The following ABCF2 variants were observed in gnomAD, a reference collection of about 807,000 sequenced individuals.
ABCF2 encodes ATP binding cassette subfamily F member 2, also known as ATP-binding cassette sub-family F member 2.
A neutral mutation model predicts 76.9 loss-of-function variants in ABCF2; 37 were observed. The ratio of observed to expected loss-of-function variants is 0.48; its 90% CI spans 0.37 to 0.63. ABCF2 has a LOEUF of 0.63. ABCF2 is among the 30% of genes least tolerant of loss of function. ABCF2 has a pLI of 0.00. For missense variants in ABCF2, 524 were observed against 782.1 expected (o/e 0.67, Z 3.94); for synonymous variants, 299 against 283.7 (o/e 1.05, Z -0.54).
At position 151,214,198 on chromosome 7, in the gene ABCF2, A is replaced by G; in HGVS notation, c.1735-7T>C. ...CCCAAATTTCCTGTGCAACCTAGAA[A>G]GCAAAACCTGGACTTAATCCTGGGC... On this transcript the variant is annotated splice_region_variant and splice_polypyrimidine_tract_variant and intron_variant, in intron 14 of 14. Coordinates refer to ENST00000287844, the MANE Select transcript of ABCF2 (RefSeq NM_007189.3). The surrounding 1 kb of genome is among the most constrained non-coding windows in gnomAD (Gnocchi z 4.9). 6.2e-7 allele frequency: 1 copy of G among 1,614,132 alleles called. No homozygotes were observed. The highest frequency in any genetic ancestry group is 8.5e-7 in the Non-Finnish European group (1 of 1,180,026).
At chr7:151,223,614 A>G (rs1584845697) in intron 5 of ABCF2, 64 bp downstream of exon 5, 3 of 1,502,184 alleles carry the variant, frequency 2.0e-6, no homozygotes, top group South Asian at 1.3e-5. Context: ...GTTCCACTGG[A>G]GTGAACACTA....
chr7:151,224,471 G>A (rs752715780), intron 3 of ABCF2, among the ~76,000 whole-genome samples: 10 of 152,174 alleles, frequency 6.6e-5, no homozygotes, highest in Non-Finnish European at 1.2e-4. Flanking sequence ...CTCACATGAT[G>A]CTTAAAGGAA....
Position 151,212,286 on chromosome 7 carries a change from G to A in ABCF2, c.*1768C>T. On this transcript the variant is annotated 3_prime_UTR_variant, in exon 15 of 15. Transcript: ENST00000287844. ...GGTGAAATGCTATTGAAGTTCAAAAGACCCAGATAAGGTATGCAGAGCCCT... is the reference window on the plus strand; with the variant it reads ...GGTGAAATGCTATTGAAGTTCAAAAAACCCAGATAAGGTATGCAGAGCCCT... The A allele has an allele frequency of 1.0e-6, 1 of 985,408 alleles. No individual in the cohort carries two copies. Among genetic ancestry groups the A allele is most frequent in the Non-Finnish European group, 1.2e-6 (1 of 829,928 alleles). 61.0% of individuals were successfully genotyped at this position (985,408 alleles called of 1,614,324 possible).
intron 6 of ABCF2, chr7:151,221,935 G>A (rs756111117): frequency 1.0e-4 from 44 of 432,346 alleles, no homozygotes; most frequent in Non-Finnish European, 1.7e-4. Flanking sequence ...GGATGGAGAC[G>A]GTAGTAACAG....
rs759877384 is a variant in ABCF2 at position 151,218,205 on chromosome 7, G to C, written c.1228-14C>G. On this transcript the variant is annotated splice_polypyrimidine_tract_variant and intron_variant, in intron 10 of 14. Transcript: ENST00000287844. Reference sequence around the variant, plus strand: ...GTAGATGCAAGGCTGAGGTGGGGATGAGAGAGATGTGGACACAAGGCTAGA... The same window carrying C: ...GTAGATGCAAGGCTGAGGTGGGGATCAGAGAGATGTGGACACAAGGCTAGA... 1.3e-6 allele frequency: 2 copies of C among 1,562,802 alleles called. No homozygotes were observed. Among genetic ancestry groups the C allele is most frequent in the Admixed American group, 3.3e-5 (2 of 59,934 alleles).
Position 151,213,520 on chromosome 7 carries a change from T to C in ABCF2, c.*534A>G, listed in dbSNP as rs569725194. ...GGAAGGTAGGGACCGTGGCTTCCTCTTTCTTTATTGGGCGCTTTGTAGATG... is the reference window on the plus strand; with the variant it reads ...GGAAGGTAGGGACCGTGGCTTCCTCCTTCTTTATTGGGCGCTTTGTAGATG... On this transcript the variant is annotated 3_prime_UTR_variant, in exon 15 of 15. Transcript: ENST00000287844. The C allele has an allele frequency of 5.1e-6, 5 of 985,918 alleles. No homozygotes were observed. The highest frequency in any genetic ancestry group is 6.1e-5 in the Admixed American group (1 of 16,282). The allele number at this position is 985,918 out of a possible 1,614,324, so 61.1% of individuals were successfully genotyped here.
rs758763054 is a variant in ABCF2, at chr7:151,224,873, G to A, written c.270C>T (p.Asn90=). ...HPNSTDVHII[N]LSLTFHGQEL... is the part of the protein sequence containing the mutation. The stretch of plus-strand genomic sequence containing the variant: ...CTTGACCATGAAAGGTAAGTGAGAG[G>A]TTGATGATGTGAACATCAGTACTGT... Residue 90 remains asparagine, a synonymous_variant, in exon 3 of 15, where the codon AAC becomes AAT. Coordinates refer to ENST00000287844, the MANE Select transcript of ABCF2 (RefSeq NM_007189.3). 6.8e-6 allele frequency: 11 copies of A among 1,614,060 alleles called. No individual in the cohort carries two copies. Among genetic ancestry groups the A allele is most frequent in the South Asian group, 6.6e-5 (6 of 91,094 alleles).
intron 1 of ABCF2, 162 bp from the exon 2 acceptor site, chr7:151,226,662 C>T: frequency 1.9e-6 from 1 of 527,938 alleles, no homozygotes; most frequent in Non-Finnish European, 3.3e-6. Context: ...TATCCCAAAC[C>T]AATGCCGATT....
At position 151,215,634 on chromosome 7, in the gene ABCF2, A is replaced by G; in HGVS notation, c.1500T>C (p.Ile500=). ...GTTTCCCAGTGAGACCGTATCGCCCAATGATCTTCCTCATTTCTTCCTTCT... is the reference window on the plus strand; with the variant it reads ...GTTTCCCAGTGAGACCGTATCGCCCGATGATCTTCCTCATTTCTTCCTTCT... ...IKEKEEMRKI[I]GRYGLTGKQQ... is the part of the protein sequence containing the mutation. Residue 500 remains isoleucine (I), a synonymous_variant, in exon 13 of 15, where the codon ATT becomes ATC. Transcript: ENST00000287844. This position sits in a 1 kb window ranked among gnomAD's most constrained non-coding sequence, Gnocchi z 4.6. 1 of 1,614,028 alleles carries G rather than the reference A, an allele frequency of 6.2e-7. No individual in the cohort carries two copies. The highest frequency in any genetic ancestry group is 8.5e-7 in the Non-Finnish European group (1 of 1,179,984).
Position 151,227,152 on chromosome 7 carries a change from C to T in ABCF2, c.-43+11G>A, listed in dbSNP as rs1053412499. ...GACCCTCTCCCTACAGCTCCCCTTC[C>T]CCTAACTCACTGGGCCTCGCTGCTC... On this transcript the variant is annotated intron_variant, in intron 1 of 14. Coordinates refer to ENST00000287844, the MANE Select transcript of ABCF2 (RefSeq NM_007189.3). 6.6e-6 allele frequency: 1 copy of T among 152,416 alleles called. No individual in the cohort carries two copies. Among genetic ancestry groups the T allele is most frequent in the African/African-American group, 2.4e-5 (1 of 41,442 alleles). The allele number at this position is 152,416 out of a possible 1,614,324, so 9.4% of individuals were successfully genotyped here. A position where few individuals can be genotyped will look rare whatever the true frequency, so the allele number is the denominator to read the frequency against.
Position 151,213,792 on chromosome 7 carries a change from C to G in ABCF2, c.*262G>C. 1 of 1,282,164 alleles carries G rather than the reference C, an allele frequency of 7.8e-7. No homozygotes were observed. Among genetic ancestry groups the G allele is most frequent in the Non-Finnish European group, 9.9e-7 (1 of 1,014,292 alleles). 79.4% of individuals were successfully genotyped at this position (1,282,164 alleles called of 1,614,324 possible). A position where few individuals can be genotyped will look rare whatever the true frequency, so the allele number is the denominator to read the frequency against. Reference sequence around the variant, plus strand: ...CTGCATCACACTCAGAGTAAGATAACCAGCAAGGGGCTGGAGGGAACGGCC... The same window carrying G: ...CTGCATCACACTCAGAGTAAGATAAGCAGCAAGGGGCTGGAGGGAACGGCC... On this transcript the variant is annotated 3_prime_UTR_variant, in exon 15 of 15. Transcript: ENST00000287844.
At chr7:151,216,942 T>C (rs1384903415) in intron 11 of ABCF2, among the ~76,000 whole-genome samples, 1 of 152,196 alleles carries the variant, frequency 6.6e-6, no homozygotes, top group Non-Finnish European at 1.5e-5. Context: ...TGATGGCAAT[T>C]TTAAGAGTGG....
rs866905475 is a variant in ABCF2 at position 151,212,468 on chromosome 7, G to C, written c.*1586C>G. The stretch of plus-strand genomic sequence containing the variant: ...GCACCTCTCTCATTCTACCAAATGC[G>C]ATTAATCAATAGGTCTGATGCTCAG... On this transcript the variant is annotated 3_prime_UTR_variant, in exon 15 of 15. Coordinates refer to ENST00000287844, the MANE Select transcript of ABCF2 (RefSeq NM_007189.3). 1 of 985,438 alleles carries C rather than the reference G, an allele frequency of 1.0e-6. No homozygotes were observed. The highest frequency in any genetic ancestry group is 1.1e-4 in the East Asian group (1 of 8,820). 61.0% of individuals were successfully genotyped at this position (985,438 alleles called of 1,614,324 possible). A position where few individuals can be genotyped will look rare whatever the true frequency, so the allele number is the denominator to read the frequency against.
At chr7:151,224,237 C>T (rs1027742701) in intron 3 of ABCF2, 123 bp from the exon 4 acceptor site, 7 of 898,924 alleles carry the variant, frequency 7.8e-6, no homozygotes, top group South Asian at 1.6e-5. Context: ...GACCTTTCTT[C>T]CCTTCATTCG....
chr7:151,213,237 T>A lies in ABCF2; in HGVS notation c.*817A>T. On this transcript the variant is annotated 3_prime_UTR_variant, in exon 15 of 15. Transcript: ENST00000287844. ...CGTTCTTGGTCTCCCCCAAAACCTA[T>A]TGAACCAGAAACGCTGAGGCGAGAT... The A allele has an allele frequency of 1.0e-6, 1 of 978,748 alleles. No homozygotes were observed. The highest frequency in any genetic ancestry group is 1.2e-6 in the Non-Finnish European group (1 of 823,912). The allele number at this position is 978,748 out of a possible 1,614,324, so 60.6% of individuals were successfully genotyped here. A position where few individuals can be genotyped will look rare whatever the true frequency, so the allele number is the denominator to read the frequency against.
intron 2 of ABCF2, 149 bp from the exon 3 acceptor site, chr7:151,225,137 C>T: frequency 1.4e-6 from 1 of 718,412 alleles, no homozygotes. Flanking sequence ...CAGAGCTGCC[C>T]CGACACCCTG....
At chr7:151,223,624 A>G in intron 5 of ABCF2, 54 bp downstream of exon 5, 1 of 1,527,442 alleles carries the variant, frequency 6.5e-7, no homozygotes, top group Non-Finnish European at 8.8e-7. Context: ...AGTGAACACT[A>G]AACACTGGAG....
At position 151,218,195 on chromosome 7, in the gene ABCF2, A is replaced by T; in HGVS notation, c.1228-4T>A. ...CTAGATTATTGTAGATGCAAGGCTG[A>T]GGTGGGGATGAGAGAGATGTGGACA... On this transcript the variant is annotated splice_polypyrimidine_tract_variant and splice_region_variant and intron_variant, in intron 10 of 14. Coordinates refer to ENST00000287844, the MANE Select transcript of ABCF2 (RefSeq NM_007189.3). 6.3e-7 allele frequency: 1 copy of T among 1,599,586 alleles called. No homozygotes were observed. The highest frequency in any genetic ancestry group is 2.2e-5 in the East Asian group (1 of 44,822).
chr7:151,220,817 G>A (rs1262828132), intron 7 of ABCF2, among the ~76,000 whole-genome samples: 1 of 152,196 alleles, frequency 6.6e-6, no homozygotes, highest in African/African-American at 2.4e-5. Flanking sequence ...GCAAAATCCC[G>A]TCTCTACTAA....
Sources: gnomAD v4.1 joint callset for allele counts (sites outside exome capture counted in the v4.1 genomes callset) on GRCh38, gnomAD v4.1.1 for gene constraint, Gnocchi (gnomAD v3.1) non-coding constraint, MANE v1.5 for transcripts, NCBI Gene and HGNC (gene_info 2026-07-23, HGNC 2026-07-21) for gene names.